ARHGAP15: variants seen among roughly 807,000 people sequenced by gnomAD.
ARHGAP15 encodes the protein Rho GTPase activating protein 15, also known as rho GTPase-activating protein 15.
In ARHGAP15, 51 loss-of-function variants were observed where a neutral mutation model predicts 63.7. That is an observed-to-expected ratio of 0.80 (90% CI 0.64 to 1.01). ARHGAP15 has a LOEUF of 1.01. Among genes scored for constraint, ARHGAP15 ranks in the 50% least tolerant of loss-of-function variants. The pLI, the probability that ARHGAP15 is intolerant of heterozygous loss-of-function variation, is 0.00. For missense variants in ARHGAP15, 560 were observed against 564.6 expected (o/e 0.99, Z 0.08); for synonymous variants, 191 against 193.8 (o/e 0.99, Z 0.12).
chr2:143,363,763 G>A (rs552505316), intron 6 of ARHGAP15, among the ~76,000 whole-genome samples: 13 of 151,858 alleles, frequency 8.6e-5, no homozygotes, highest in South Asian at 4.2e-4. Flanking sequence ...TTGATTTATC[G>A]TCTCCAAACT....
At chr2:143,295,684 C>A (rs1053744551) in intron 6 of ARHGAP15, 2 of 151,852 alleles carry the variant, frequency 1.3e-5, no homozygotes, top group African/African-American at 2.4e-5. Flanking sequence ...TTGTAGCAGC[C>A]GGTCTGTAAT....
intron 1 of ARHGAP15, among the ~76,000 whole-genome samples, chr2:143,149,177 A>G (rs772766981): frequency 6.6e-5 from 10 of 152,038 alleles, no homozygotes; most frequent in Non-Finnish European, 1.5e-4. Flanking sequence ...CCTCTAATAC[A>G]TGTAGAGCAG....
chr2:143,196,401 C>T (rs111622139), intron 2 of ARHGAP15, among the ~76,000 whole-genome samples: 45 of 152,002 alleles, frequency 3.0e-4, no homozygotes, highest in African/African-American at 6.7e-4. Flanking sequence ...ATTGCCCACA[C>T]GCAGTAAAAA....
chr2:143,167,874 G>T (rs1281829557), intron 2 of ARHGAP15, among the ~76,000 whole-genome samples: 1 of 152,096 alleles, frequency 6.6e-6, no homozygotes, highest in Admixed American at 6.5e-5. Flanking sequence ...TAGAGTTGTG[G>T]TGTTTTCCTG....
chr2:143,237,231 G>A (rs983431722), intron 5 of ARHGAP15: 1 of 152,046 alleles, frequency 6.6e-6, no homozygotes, highest in Non-Finnish European at 1.5e-5. Context: ...AACACATGCA[G>A]GACTTGGTAA....
intron 6 of ARHGAP15, among the ~76,000 whole-genome samples, chr2:143,273,596 T>C (rs1681403813): frequency 6.6e-6 from 1 of 152,164 alleles, no homozygotes; most frequent in Non-Finnish European, 1.5e-5. Context: ...ATATTACAAA[T>C]AAAAAATCAT....
At chr2:143,378,079 A>T (rs986813273) in intron 6 of ARHGAP15, among the ~76,000 whole-genome samples, 2 of 152,044 alleles carry the variant, frequency 1.3e-5, no homozygotes, top group African/African-American at 4.8e-5. Flanking sequence ...GTTTACTGAA[A>T]TTAACTAGAA....
rs201879813 is a variant in ARHGAP15, at chr2:143,528,641, C to T, written c.925+9277C>T. On this transcript the variant is annotated intron_variant, in intron 10 of 13. Coordinates refer to ENST00000295095, the MANE Select transcript of ARHGAP15 (RefSeq NM_018460.4). ...AAGCTCTGTAAAGACGTTGAATATA[C>T]CAATGTTATTAAAATTGGACTGTTG... 2.0e-5 allele frequency among the ~76,000 whole-genome samples: 3 copies of T among 152,026 alleles called. No individual in the cohort carries two copies. The East Asian group carries it at 5.8e-4, about 29-fold the overall frequency.
intron 9 of ARHGAP15, among the ~76,000 whole-genome samples, chr2:143,490,160 C>A (rs184255319): frequency 3.3e-5 from 5 of 152,150 alleles, no homozygotes; most frequent in Non-Finnish European, 5.9e-5. Flanking sequence ...CCACCACGCC[C>A]GGCTAATATT....
intron 13 of ARHGAP15, among the ~76,000 whole-genome samples, chr2:143,736,092 A>G (rs12619951): frequency 0.06 from 9,173 of 152,116 alleles, 428 homozygotes; most frequent in East Asian, 0.27. Flanking sequence ...TCCTTAACCT[A>G]TATGTGTCAG....
In ARHGAP15 at chr2:143,619,798, A is replaced by G. The variant is rs898173705; in HGVS notation, c.1004-4335A>G. On this transcript the variant is annotated intron_variant, in intron 11 of 13. Transcript: ENST00000295095. ...TCTTCACTCCTCTCTGCTGCTGGCC[A>G]TGTGAAGATGTGCTGGCTTCCCCTT... 2.6e-5 allele frequency among the ~76,000 whole-genome samples: 4 copies of G among 152,134 alleles called. No individual in the cohort carries two copies. In the South Asian group the frequency reaches 6.2e-4, roughly 24 times the overall value.
intron 9 of ARHGAP15, among the ~76,000 whole-genome samples, chr2:143,492,257 C>A (rs1692614379): frequency 6.6e-6 from 1 of 152,166 alleles, no homozygotes; most frequent in South Asian, 2.1e-4. Flanking sequence ...GCTTTCTCCA[C>A]AACTTGCAAG....
intron 2 of ARHGAP15, among the ~76,000 whole-genome samples, chr2:143,188,667 C>A (rs1691545332): frequency 6.6e-6 from 1 of 150,448 alleles, no homozygotes; most frequent in Non-Finnish European, 1.5e-5. Flanking sequence ...GTCTCCCAAG[C>A]TAGAGTGCAA....
At chr2:143,534,398 C>G (rs745868850) in intron 10 of ARHGAP15, among the ~76,000 whole-genome samples, 1 of 152,168 alleles carries the variant, frequency 6.6e-6, no homozygotes, top group Admixed American at 6.5e-5. Flanking sequence ...TGGGCTAATA[C>G]AGACCCAGTG....
chr2:143,420,553 T>C (rs961854138), intron 6 of ARHGAP15, among the ~76,000 whole-genome samples: 2 of 152,160 alleles, frequency 1.3e-5, no homozygotes, highest in African/African-American at 4.8e-5. Flanking sequence ...CTATATTTAA[T>C]TATCATTGTG....
At chr2:143,534,803 C>T (rs1360585820) in intron 10 of ARHGAP15, among the ~76,000 whole-genome samples, 1 of 151,832 alleles carries the variant, frequency 6.6e-6, no homozygotes, top group African/African-American at 2.4e-5. Context: ...GGACCTGAGC[C>T]TGGAGAGGTT....
chr2:143,133,409 G>A (rs574787957), intron 1 of ARHGAP15, among the ~76,000 whole-genome samples: 19 of 152,314 alleles, frequency 1.2e-4, no homozygotes, highest in Non-Finnish European at 2.4e-4. Context: ...GGGGAGATAC[G>A]TAATTGGATG....
intron 6 of ARHGAP15, among the ~76,000 whole-genome samples, chr2:143,272,916 A>C (rs185103709): frequency 2.2e-4 from 34 of 152,270 alleles, no homozygotes; most frequent in African/African-American, 8.2e-4. Flanking sequence ...TTAACTCTAT[A>C]TGATGGAATT....
At chr2:143,587,830 A>T in intron 11 of ARHGAP15, 1 of 455,086 alleles carries the variant, frequency 2.2e-6, no homozygotes, top group Non-Finnish European at 4.5e-6. Flanking sequence ...ATTTATATTT[A>T]TTAAGTTTTT....
Sources: allele counts gnomAD v4.1 joint callset (sites outside exome capture counted in the v4.1 genomes callset), GRCh38; gene constraint gnomAD v4.1.1; transcripts MANE v1.5; gene names NCBI Gene and HGNC (gene_info 2026-07-23, HGNC 2026-07-21).